The following SORCS3 variants were observed in gnomAD, a reference collection of about 807,000 sequenced individuals.
SORCS3 encodes the protein VPS10 domain-containing receptor SorCS3.
SORCS3 carries 57 observed loss-of-function variants against 146.3 expected under a neutral mutation model. The observed-to-expected ratio is 0.39, with a 90% CI of 0.31 to 0.49. The LOEUF (loss-of-function observed/expected upper bound fraction) is 0.49. Ranked by LOEUF, SORCS3 falls within the 20% of genes least tolerant of loss-of-function variation. The pLI is 0.92. For missense variants in SORCS3, 1,341 were observed against 1,575.5 expected (o/e 0.85, Z 2.52); for synonymous variants, 653 against 618.5 (o/e 1.06, Z -0.83).
chr10:104,876,399 T>C (rs1018214600), intron 2 of SORCS3, among the ~76,000 whole-genome samples: 1 of 152,190 alleles, frequency 6.6e-6, no homozygotes, highest in Non-Finnish European at 1.5e-5. Flanking sequence ...AAATATTTTC[T>C]AGATATGCAC....
At chr10:104,668,062 C>G (rs1415797646) in intron 1 of SORCS3, among the ~76,000 whole-genome samples, 2 of 152,210 alleles carry the variant, frequency 1.3e-5, no homozygotes, top group Non-Finnish European at 2.9e-5. Flanking sequence ...GCAGGTTGGT[C>G]TCAATTTGGT....
chr10:105,056,363 A>G (rs957581965), intron 5 of SORCS3, among the ~76,000 whole-genome samples: 1 of 152,194 alleles, frequency 6.6e-6, no homozygotes, highest in Non-Finnish European at 1.5e-5. Context: ...TCTCTGAGGC[A>G]CAAAATATTT....
At chr10:104,880,196 C>T (rs1181736430) in intron 2 of SORCS3, among the ~76,000 whole-genome samples, 1 of 152,118 alleles carries the variant, frequency 6.6e-6, no homozygotes, top group Non-Finnish European at 1.5e-5. Context: ...ATAAATGAAC[C>T]AATGACTGAA....
chr10:104,996,891 A>T (rs1190200376), intron 4 of SORCS3, among the ~76,000 whole-genome samples: 1 of 152,178 alleles, frequency 6.6e-6, no homozygotes, highest in African/African-American at 2.4e-5. Flanking sequence ...GTCACTGAAG[A>T]AGGAAAGTTA....
At chr10:104,650,454 G>T (rs563371062) in intron 1 of SORCS3, among the ~76,000 whole-genome samples, 5 of 152,272 alleles carry the variant, frequency 3.3e-5, no homozygotes, top group Middle Eastern at 6.8e-3. Context: ...TCAATCCTGG[G>T]GGGGGCTGAT....
intron 1 of SORCS3, among the ~76,000 whole-genome samples, chr10:104,771,309 G>T (rs1005244092): frequency 6.6e-6 from 1 of 152,204 alleles, no homozygotes; most frequent in Non-Finnish European, 1.5e-5. Context: ...AAGATTTTCT[G>T]TTCCTTGAAT....
At chr10:105,234,526 C>T (rs2056782053) in intron 20 of SORCS3, among the ~76,000 whole-genome samples, 2 of 149,772 alleles carry the variant, frequency 1.3e-5, no homozygotes, top group Admixed American at 1.3e-4. Context: ...TTAGTTGTTC[C>T]TCATTCTTGG....
intron 5 of SORCS3, among the ~76,000 whole-genome samples, chr10:105,060,979 T>G (rs2055482448): frequency 1.3e-5 from 2 of 151,984 alleles, no homozygotes; most frequent in Admixed American, 1.3e-4. Context: ...AAAAACAATT[T>G]AAGTATAGAA....
intron 1 of SORCS3, among the ~76,000 whole-genome samples, chr10:104,701,744 A>G (rs2016281364): frequency 6.6e-6 from 1 of 152,208 alleles, no homozygotes; most frequent in African/African-American, 2.4e-5. Flanking sequence ...AGTTCAGGCA[A>G]GAGTAGATAT....
In SORCS3 at chr10:105,201,438, G is replaced by A. The variant is rs554488447; in HGVS notation, c.2261+185G>A. 8.5e-5 allele frequency among the ~76,000 whole-genome samples: 13 copies of A among 152,304 alleles called. No homozygotes were observed. The East Asian group carries it at 2.5e-3, about 29-fold the overall frequency. On this transcript the variant is annotated intron_variant, in intron 16 of 26. Coordinates refer to ENST00000369701, the MANE Select transcript of SORCS3 (RefSeq NM_014978.3). ...GGGAAGTCTGCATTCCTGGAAGGAG[G>A]ACAGGCTGAGGCATTTTCACAGAGA...
chr10:104,757,468 G>A (rs1035413364), intron 1 of SORCS3, among the ~76,000 whole-genome samples: 21 of 152,196 alleles, frequency 1.4e-4, no homozygotes, highest in Admixed American at 8.5e-4. Flanking sequence ...TACAACAGCA[G>A]AGCAGTCTCC....
At chr10:105,160,691 A>G (rs2056254685) in intron 11 of SORCS3, among the ~76,000 whole-genome samples, 1 of 152,180 alleles carries the variant, frequency 6.6e-6, no homozygotes, top group Non-Finnish European at 1.5e-5. Flanking sequence ...AATACTCACT[A>G]TGTGTTACTT....
chr10:104,990,899 C>T (rs2054990033), intron 4 of SORCS3, among the ~76,000 whole-genome samples: 1 of 152,228 alleles, frequency 6.6e-6, no homozygotes, highest in African/African-American at 2.4e-5. Flanking sequence ...AGACTTCTCA[C>T]TTCCAGAGCT....
intron 3 of SORCS3, among the ~76,000 whole-genome samples, chr10:104,931,368 T>A (rs900463300): frequency 2.0e-5 from 3 of 152,162 alleles, no homozygotes; most frequent in African/African-American, 7.2e-5. Context: ...TCTCTTATCT[T>A]TGTTCAGTAA....
chr10:105,068,150 A>T (rs563296270), intron 5 of SORCS3, among the ~76,000 whole-genome samples: 7 of 152,282 alleles, frequency 4.6e-5, no homozygotes, highest in African/African-American at 1.4e-4. Context: ...TCCATAACAG[A>T]ACATATTGCC....
chr10:104,663,344 A>G (rs1037229736), intron 1 of SORCS3, among the ~76,000 whole-genome samples: 1 of 152,184 alleles, frequency 6.6e-6, no homozygotes, highest in African/African-American at 2.4e-5. Flanking sequence ...ATGGTGTGGG[A>G]AAGCAGGTTA....
intron 2 of SORCS3, among the ~76,000 whole-genome samples, chr10:104,907,463 C>T (rs965319212): frequency 6.6e-6 from 1 of 152,150 alleles, no homozygotes; most frequent in Non-Finnish European, 1.5e-5. Context: ...AACTGAAGAT[C>T]TGAATATTGG....
intron 25 of SORCS3, among the ~76,000 whole-genome samples, chr10:105,257,718 C>A (rs1057500318): frequency 1.3e-5 from 2 of 152,114 alleles, no homozygotes; most frequent in Non-Finnish European, 2.9e-5. Context: ...ATGAGAATAG[C>A]AATAATATTT....
chr10:105,105,614 T>G, intron 7 of SORCS3, 99 bp downstream of exon 7: 1 of 832,650 alleles, frequency 1.2e-6, no homozygotes, highest in Non-Finnish European at 2.1e-6. Context: ...TGTGAAGATG[T>G]GGAGTTGAGA....
Sources: allele counts gnomAD v4.1 joint callset (sites outside exome capture counted in the v4.1 genomes callset), GRCh38; gene constraint gnomAD v4.1.1; transcripts MANE v1.5; gene names NCBI Gene and HGNC (gene_info 2026-07-23, HGNC 2026-07-21).